COL18A1: variants seen among roughly 807,000 people sequenced by gnomAD.
COL18A1 encodes the protein collagen alpha-1(XVIII) chain.
In COL18A1, 133 loss-of-function variants were observed where a neutral mutation model predicts 168.0. The ratio of observed to expected loss-of-function variants is 0.79; its 90% CI spans 0.69 to 0.91. COL18A1 has a LOEUF of 0.91. Ranked by LOEUF, COL18A1 falls within the 40% of genes least tolerant of loss-of-function variation. COL18A1 has a pLI of 0.00. For missense variants in COL18A1, 2,126 were observed against 1,925.4 expected, an observed-to-expected ratio of 1.10 and a Z score of -1.95; for synonymous variants, 949 against 809.0, an observed-to-expected ratio of 1.17 and a Z score of -2.94.
intron 29 of COL18A1, 139 bp downstream of exon 29, chr21:45,495,571 A>G (rs1300024678): frequency 2.8e-6 from 2 of 720,846 alleles, no homozygotes; most frequent in African/African-American, 1.8e-5. Context: ...AGCACTGGTC[A>G]TGCCATACCC....
rs997966622 is a variant in COL18A1 at position 45,423,103 on chromosome 21, C to T, written c.106+17630C>T. Among the ~76,000 whole-genome samples, 48 of 152,108 alleles carry T rather than the reference C, an allele frequency of 3.2e-4. No homozygotes were observed. Among genetic ancestry groups the T allele is most frequent in the Non-Finnish European group, 5.6e-4 (38 of 68,016 alleles). ...TGTTGGGATTATAGGTGTGAGCCACCGCACCCGGCCGAAGTGGTTTTAATG... is the reference window on the plus strand; with the variant it reads ...TGTTGGGATTATAGGTGTGAGCCACTGCACCCGGCCGAAGTGGTTTTAATG... On this transcript the variant is annotated intron_variant, in intron 2 of 41. Coordinates refer to ENST00000651438, the MANE Select transcript of COL18A1 (RefSeq NM_001379500.1). The surrounding 1 kb of genome is among the most constrained non-coding windows in gnomAD (Gnocchi z 4.0).
intron 9 of COL18A1, 98 bp downstream of exon 9, chr21:45,478,451 G>C: frequency 6.6e-7 from 1 of 1,510,056 alleles, no homozygotes. Flanking sequence ...ACGCGACCCA[G>C]TGAGGAGACT....
intron 32 of COL18A1, 89 bp downstream of exon 32, chr21:45,497,750 G>T (rs1015826384): frequency 1.3e-6 from 2 of 1,524,434 alleles, no homozygotes; most frequent in Non-Finnish European, 1.8e-6. Flanking sequence ...CCACAAGCAG[G>T]TCCTGGACCC....
chr21:45,449,140 C>T (rs2145834754), intron 2 of COL18A1, among the ~76,000 whole-genome samples: 1 of 152,336 alleles, frequency 6.6e-6, no homozygotes, highest in East Asian at 1.9e-4. Flanking sequence ...GCTCATGACC[C>T]TTCACCAGTG....
At chr21:45,406,110 C>T (rs995918464) in intron 2 of COL18A1, among the ~76,000 whole-genome samples, 1 of 152,218 alleles carries the variant, frequency 6.6e-6, no homozygotes, top group Non-Finnish European at 1.5e-5. Context: ...GTGCGCGGGG[C>T]CCGTGGGGAC....
At chr21:45,507,509 C>T in intron 37 of COL18A1, 52 bp from the exon 38 acceptor site, 1 of 1,582,586 alleles carries the variant, frequency 6.3e-7, no homozygotes, top group Non-Finnish European at 8.6e-7. Context: ...GGGAGGGCAC[C>T]CTGGCTCAGG....
At chr21:45,480,596 G>C in intron 12 of COL18A1, 76 bp downstream of exon 12, 2 of 1,613,568 alleles carry the variant, frequency 1.2e-6, no homozygotes, top group Non-Finnish European at 8.5e-7. Flanking sequence ...CCAAGATTCA[G>C]CTGGGGTCCT....
chr21:45,484,532 T>C (rs1031885500), intron 15 of COL18A1, among the ~76,000 whole-genome samples: 1 of 151,972 alleles, frequency 6.6e-6, no homozygotes, highest in Admixed American at 6.5e-5. Context: ...CACATACACA[T>C]AGCCAGCACA....
chr21:45,431,172 C>T (rs2033948584), intron 2 of COL18A1, among the ~76,000 whole-genome samples: 1 of 152,136 alleles, frequency 6.6e-6, no homozygotes, highest in Non-Finnish European at 1.5e-5. Context: ...AGGGAGCCTG[C>T]CTCTGTGCTC....
intron 2 of COL18A1, among the ~76,000 whole-genome samples, chr21:45,436,359 G>A (rs2034095274): frequency 6.6e-6 from 1 of 152,242 alleles, no homozygotes; most frequent in Non-Finnish European, 1.5e-5. Context: ...GTGGGCAGAA[G>A]CCTGCGTGAG....
chr21:45,474,273 G>A (rs1456993933), intron 4 of COL18A1, among the ~76,000 whole-genome samples: 1 of 151,780 alleles, frequency 6.6e-6, no homozygotes, highest in African/African-American at 2.4e-5. Flanking sequence ...GTCTGTGTCT[G>A]TGTGGTGTGT....
At chr21:45,477,325 G>T in intron 6 of COL18A1, 86 bp from the exon 7 acceptor site, 2 of 1,079,944 alleles carry the variant, frequency 1.9e-6, no homozygotes, top group South Asian at 1.3e-5. Flanking sequence ...AAAGCGTTTG[G>T]GCTGCCGGGG....
At chr21:45,495,005 G>C (rs2036483233) in intron 28 of COL18A1, 90 bp downstream of exon 28, 3 of 1,161,984 alleles carry the variant, frequency 2.6e-6, no homozygotes. Flanking sequence ...TGCCCAGAGG[G>C]GAGTGGACGG....
chr21:45,502,523 G>A (rs987933793), intron 32 of COL18A1: 3 of 152,198 alleles, frequency 2.0e-5, no homozygotes, highest in East Asian at 3.9e-4. Context: ...TGAGTGAAGA[G>A]AAATTGCGTA....
Position 45,456,185 on chromosome 21 carries a change from T to G in COL18A1, c.107-12057T>G, listed in dbSNP as rs1005409090. ...GCCACCACCATCTTCAGGTAGAGCTTCTCTCTCCTCCTTGCTGGGCGGGGC... is the reference window on the plus strand; with the variant it reads ...GCCACCACCATCTTCAGGTAGAGCTGCTCTCTCCTCCTTGCTGGGCGGGGC... On this transcript the variant is annotated intron_variant, in intron 2 of 41. Transcript: ENST00000651438. 2 of 1,597,408 alleles carry G rather than the reference T, an allele frequency of 1.3e-6. No homozygotes were observed. Among genetic ancestry groups the G allele is most frequent in the African/African-American group, 1.3e-5 (1 of 74,518 alleles).
Position 45,473,225 on chromosome 21 carries a change from C to T in COL18A1, c.652-670C>T, listed in dbSNP as rs569759051. On this transcript the variant is annotated intron_variant, in intron 3 of 41. Coordinates refer to ENST00000651438, the MANE Select transcript of COL18A1 (RefSeq NM_001379500.1). This position sits in a 1 kb window ranked among gnomAD's most constrained non-coding sequence, Gnocchi z 4.0. ...CGGCCTGCATCTCACCAGGCACCGC[C>T]GGCCGCGCCAGGGCCCGAGAGGGCA... Among the ~76,000 whole-genome samples the T allele has an allele frequency of 1.3e-5, 2 of 152,372 alleles. No homozygotes were observed. Among genetic ancestry groups the T allele is most frequent in the Non-Finnish European group, 2.9e-5 (2 of 68,042 alleles).
chr21:45,475,726 C>T (rs1301638717), intron 5 of COL18A1, among the ~76,000 whole-genome samples, 191 bp downstream of exon 5: 3 of 151,070 alleles, frequency 2.0e-5, no homozygotes, highest in South Asian at 2.1e-4. Flanking sequence ...GGCCCCGCTC[C>T]GGCCCTGCCT....
chr21:45,452,777 G>A (rs1602413244), intron 2 of COL18A1, among the ~76,000 whole-genome samples: 1 of 151,296 alleles, frequency 6.6e-6, no homozygotes, highest in South Asian at 2.1e-4. Flanking sequence ...AGTATTCACT[G>A]ACGTGTGAGC....
At position 45,510,129 on chromosome 21, in the gene COL18A1, C is replaced by A; in HGVS notation, c.3561C>A (p.Phe1187Leu). ...GGMRGIRGAD[F>L]QCFQQARAVG... is the part of the protein sequence containing the mutation. ...TGCGGGGCATCCGCGGGGCCGACTT[C>A]CAGTGCTTCCAGCAGGCGCGGGCCG... Residue 1187 changes from phenylalanine (F) to leucine (L), a missense_variant, in exon 40 of 42, where the codon TTC becomes TTA. Physicochemically the swap from Phe to Leu is conservative, Grantham distance 22 (BLOSUM62 0). Transcript: ENST00000651438. 1.2e-6 allele frequency: 2 copies of A among 1,600,304 alleles called. No homozygotes were observed. Among genetic ancestry groups the A allele is most frequent in the Non-Finnish European group, 1.7e-6 (2 of 1,174,496 alleles).
Sources: gnomAD v4.1 joint callset for allele counts (sites outside exome capture counted in the v4.1 genomes callset) on GRCh38, gnomAD v4.1.1 for gene constraint, Gnocchi (gnomAD v3.1) non-coding constraint, MANE v1.5 for transcripts, NCBI Gene and HGNC (gene_info 2026-07-23, HGNC 2026-07-21) for gene names.